RAPGEF6: variants seen among roughly 807,000 people sequenced by gnomAD.
The protein encoded by RAPGEF6 is PDZ domain containing guanine nucleotide exchange factor (GEF) 2.
RAPGEF6 carries 56 observed loss-of-function variants against 171.4 expected under a neutral mutation model. That is an observed-to-expected ratio of 0.33 (90% CI 0.26 to 0.41). RAPGEF6 has a LOEUF of 0.41. Ranked by LOEUF, RAPGEF6 falls within the 10% of genes least tolerant of loss-of-function variation. The pLI, the probability that RAPGEF6 is intolerant of heterozygous loss-of-function variation, is 1.00. For missense variants in RAPGEF6, 1,674 were observed against 1,921.4 expected (o/e 0.87, Z 2.41); for synonymous variants, 692 against 650.1 (o/e 1.06, Z -0.98).
intron 22 of RAPGEF6, among the ~76,000 whole-genome samples, chr5:131,443,997 C>G (rs1358119919): frequency 1.3e-5 from 2 of 152,026 alleles, no homozygotes; most frequent in Non-Finnish European, 1.5e-5. Context: ...CATATAAAAC[C>G]AATACTATAG....
At chr5:131,456,051 G>A in intron 19 of RAPGEF6, 39 bp from the exon 20 acceptor site, 1 of 1,548,352 alleles carries the variant, frequency 6.5e-7, no homozygotes, top group South Asian at 1.1e-5. Flanking sequence ...AAAGAAACTT[G>A]GGGAAAGGGG....
rs1472237353 is a variant in RAPGEF6 at position 131,431,029 on chromosome 5, C to T, written c.4295G>A (p.Ser1432Asn). The T allele has an allele frequency of 9.9e-6, 16 of 1,614,062 alleles. No homozygotes were observed. Among genetic ancestry groups the T allele is most frequent in the Non-Finnish European group, 1.4e-5 (16 of 1,180,026 alleles). Reference sequence around the variant, plus strand: ...AGACAGAGAACTGGAGGAGGTCCAACTCTTTCTCTCTAGGCTTCCTTTACA... The same window carrying T: ...AGACAGAGAACTGGAGGAGGTCCAATTCTTTCTCTCTAGGCTTCCTTTACA... ...GQCKGSLERK[S>N]WTSSSSLSDT... The change falls in exon 26 of 28, where the codon AGT becomes AAT. Residue 1432 changes from serine to asparagine, a missense_variant. Ser to Asn is a conservative substitution (Grantham distance 46). This residue lies in a region of RAPGEF6 where 552 missense variants were observed against 574.2 expected (regional missense o/e 0.96). Coordinates refer to ENST00000509018, the MANE Select transcript of RAPGEF6 (RefSeq NM_016340.6).
intron 19 of RAPGEF6, 81 bp from the exon 20 acceptor site, chr5:131,456,093 C>G: frequency 1.1e-6 from 1 of 938,496 alleles, no homozygotes; most frequent in African/African-American, 1.7e-5. Context: ...ACCATTTTCT[C>G]TAATAAAAGT....
intron 6 of RAPGEF6, among the ~76,000 whole-genome samples, chr5:131,522,909 A>AAT (rs1454145886): frequency 3.9e-4 from 59 of 152,324 alleles, no homozygotes; most frequent in African/African-American, 1.4e-3. Context: ...AATGACCTCA[A>AAT]TGCCTGATGC....
At chr5:131,456,119 C>T in intron 19 of RAPGEF6, 107 bp from the exon 20 acceptor site, 3 of 692,134 alleles carry the variant, frequency 4.3e-6, no homozygotes, top group Admixed American at 2.9e-5. Context: ...TAAGCAGGGA[C>T]ATATTTTAAC....
chr5:131,528,143 C>T (rs7708316), intron 6 of RAPGEF6, among the ~76,000 whole-genome samples: 78,595 of 114,736 alleles, frequency 0.69, 27,062 homozygotes, highest in Non-Finnish European at 0.77. Flanking sequence ...ATAATATATA[C>T]TATATATAAT....
chr5:131,515,440 T>C (rs1253079175), intron 7 of RAPGEF6, among the ~76,000 whole-genome samples: 1 of 152,202 alleles, frequency 6.6e-6, no homozygotes, highest in Non-Finnish European at 1.5e-5. Flanking sequence ...TTGAAGCCAA[T>C]ATTGGTTTCT....
At chr5:131,472,208 A>T (rs938753439) in intron 17 of RAPGEF6, 1 of 303,762 alleles carries the variant, frequency 3.3e-6, no homozygotes, top group Non-Finnish European at 6.5e-6. Context: ...AGTAGCTGGG[A>T]CTACAGGCAC....
In RAPGEF6 at chr5:131,469,856, CA is replaced by C. The variant is rs1248227819; in HGVS notation, c.2239+2730del. 2.7e-6 allele frequency: 4 copies of C among 1,487,220 alleles called. No individual in the cohort carries two copies. In the South Asian group the frequency reaches 3.7e-5, roughly 14 times the overall value. 92.1% of individuals were successfully genotyped at this position (1,487,220 alleles called of 1,614,324 possible). Reference sequence around the variant, plus strand: ...ATAAAGCAAAATCAAAGTAAGCAATCAAAAACAAACTTACAGTTCTGTAGCT... The same window carrying C: ...ATAAAGCAAAATCAAAGTAAGCAATCAAAACAAACTTACAGTTCTGTAGCT... On this transcript the variant is annotated intron_variant, in intron 17 of 27. Coordinates refer to ENST00000509018, the MANE Select transcript of RAPGEF6 (RefSeq NM_016340.6).
In RAPGEF6 at chr5:131,604,618, C is replaced by T. The variant is rs1764441095; in HGVS notation, c.140+5G>A. 6 of 1,611,070 alleles carry T rather than the reference C, an allele frequency of 3.7e-6. No homozygotes were observed. The highest frequency in any genetic ancestry group is 1.3e-5 in the African/African-American group (1 of 74,872). ...GTGTGCTCTTAAATACAGAACGACA[C>T]TTACCTAAGCTGATGTTCCCTGAGA... On this transcript the variant is annotated splice_donor_5th_base_variant and intron_variant, in intron 2 of 27. Transcript: ENST00000509018.
Position 131,427,132 on chromosome 5 carries a change from G to C in RAPGEF6, c.*134C>G, listed in dbSNP as rs925772766. 1.2e-6 allele frequency: 1 copy of C among 804,522 alleles called. No homozygotes were observed. Among genetic ancestry groups the C allele is most frequent in the East Asian group, 2.5e-5 (1 of 40,118 alleles). 49.8% of individuals were successfully genotyped at this position (804,522 alleles called of 1,614,324 possible). A position where few individuals can be genotyped will look rare whatever the true frequency, so the allele number is the denominator to read the frequency against. On this transcript the variant is annotated 3_prime_UTR_variant, in exon 28 of 28. Transcript: ENST00000509018. ...ATAACTCAGGTCTATTTCATTGCTC[G>C]GAGTAGAGGGAATAAAACCTCTGGA...
At chr5:131,595,338 T>G (rs1763834478) in intron 3 of RAPGEF6, among the ~76,000 whole-genome samples, 1 of 152,130 alleles carries the variant, frequency 6.6e-6, no homozygotes, top group Admixed American at 6.5e-5. Context: ...CCTTCTGCTG[T>G]GATTGTAAGT....
intron 6 of RAPGEF6, among the ~76,000 whole-genome samples, chr5:131,538,559 T>C (rs1759926592): frequency 6.6e-6 from 1 of 152,146 alleles, no homozygotes; most frequent in Admixed American, 6.6e-5. Flanking sequence ...GTGCATAGAT[T>C]ACACAAAAAT....
At position 131,440,100 on chromosome 5, in the gene RAPGEF6, G is replaced by A. The variant is rs192951773; in HGVS notation, c.3611-385C>T. ...AGAGGTGGCCTCTCCAAGTCGGGGCGACGCATGTGGCAGGGGCAGTGTGGG... is the reference window on the plus strand; with the variant it reads ...AGAGGTGGCCTCTCCAAGTCGGGGCAACGCATGTGGCAGGGGCAGTGTGGG... On this transcript the variant is annotated intron_variant, in intron 23 of 27. Coordinates refer to ENST00000509018, the MANE Select transcript of RAPGEF6 (RefSeq NM_016340.6). 346 of 399,330 alleles carry A rather than the reference G, an allele frequency of 8.7e-4. 1 individual carries two copies. The highest frequency in any genetic ancestry group is 5.2e-3 in the African/African-American group (250 of 48,284). 24.7% of individuals were successfully genotyped at this position (399,330 alleles called of 1,614,324 possible).
At chr5:131,582,380 G>C (rs1289838223) in intron 4 of RAPGEF6, among the ~76,000 whole-genome samples, 1 of 152,196 alleles carries the variant, frequency 6.6e-6, no homozygotes, top group African/African-American at 2.4e-5. Context: ...TGGAACAATT[G>C]AGGATGCACA....
At position 131,505,496 on chromosome 5, in the gene RAPGEF6, G is replaced by A. The variant is rs374095655; in HGVS notation, c.969C>T (p.Asn323=). The change falls in exon 10 of 28, where the codon AAC becomes AAT. Residue 323 remains asparagine, a synonymous_variant. Coordinates refer to ENST00000509018, the MANE Select transcript of RAPGEF6 (RefSeq NM_016340.6). ...QELDSWYVIL[N]GTVEISHPDG... is the part of the protein sequence containing the mutation. ...CTGGATGACTGATTTCCACAGTGCC[G>A]TTTAAAATAACATACCATGAGTCAA... 1.3e-4 allele frequency: 209 copies of A among 1,612,986 alleles called. No homozygotes were observed. The highest frequency in any genetic ancestry group is 3.9e-4 in the African/African-American group (29 of 74,850).
intron 10 of RAPGEF6, among the ~76,000 whole-genome samples, 153 bp from the exon 11 acceptor site, chr5:131,504,931 A>G (rs1757267616): frequency 6.6e-6 from 1 of 152,194 alleles, no homozygotes; most frequent in Non-Finnish European, 1.5e-5. Context: ...AGGTGAAACA[A>G]TTCACGTATG....
chr5:131,485,027 A>G (rs890771621), intron 15 of RAPGEF6, among the ~76,000 whole-genome samples: 1 of 152,134 alleles, frequency 6.6e-6, no homozygotes, highest in Non-Finnish European at 1.5e-5. Context: ...CCTGGGTTCA[A>G]GTGATCTTCC....
chr5:131,526,876 T>C (rs1399148915), intron 6 of RAPGEF6, among the ~76,000 whole-genome samples: 1 of 152,196 alleles, frequency 6.6e-6, no homozygotes, highest in African/African-American at 2.4e-5. Flanking sequence ...AGAAAGTTTT[T>C]TAGCTAACAA....
Sources: allele counts gnomAD v4.1 joint callset (sites outside exome capture counted in the v4.1 genomes callset), GRCh38; gene constraint gnomAD v4.1.1; regional missense constraint gnomAD v4.1.1; transcripts MANE v1.5; gene names NCBI Gene and HGNC (gene_info 2026-07-23, HGNC 2026-07-21).